The following GRAMD1B variants were observed in gnomAD, a reference collection of about 807,000 sequenced individuals.
GRAMD1B encodes protein Aster-B.
In GRAMD1B, 37 loss-of-function variants were observed where a neutral mutation model predicts 99.7. The ratio of observed to expected loss-of-function variants is 0.37; its 90% CI spans 0.29 to 0.49. The LOEUF is 0.49. Ranked by LOEUF, GRAMD1B falls within the 20% of genes least tolerant of loss-of-function variation. The probability of loss-of-function intolerance (pLI) is 0.98; values close to 1 mark genes in which losing one functional copy is unlikely to be tolerated. For missense variants in GRAMD1B, 888 were observed against 1,009.2 expected (o/e 0.88, Z 1.63); for synonymous variants, 427 against 387.6 (o/e 1.10, Z -1.19).
chr11:123,435,548 A>C, intron 1 of GRAMD1B: 1 of 670,422 alleles, frequency 1.5e-6, no homozygotes, highest in South Asian at 1.6e-5. Context: ...TAAAGACAGC[A>C]TGGCTTACTA....
intron 2 of GRAMD1B, among the ~76,000 whole-genome samples, chr11:123,528,318 TTTAATTAAAA>T (rs1393539154): frequency 1.3e-5 from 2 of 152,228 alleles, no homozygotes; most frequent in Non-Finnish European, 2.9e-5. Flanking sequence ...AGAGAATGAA[TTTAATTAAAA>T]TTATAATGTT....
chr11:123,414,632 C>G (rs982782156), intron 1 of GRAMD1B, among the ~76,000 whole-genome samples: 2 of 152,138 alleles, frequency 1.3e-5, no homozygotes, highest in African/African-American at 2.4e-5. Flanking sequence ...ACCTTCCAAC[C>G]TGTTTTTTTA....
rs542502758 is a variant in GRAMD1B, at chr11:123,552,211, T to A, written c.453-25156T>A. On this transcript the variant is annotated intron_variant, in intron 2 of 19. Coordinates refer to ENST00000635736, the MANE Select transcript of GRAMD1B (RefSeq NM_001387025.1). ...ATCTAGAAAAAGGAGGGATTTTTCTTCCCTTAGTATATCCCAGAATATCAC... is the reference window on the plus strand; with the variant it reads ...ATCTAGAAAAAGGAGGGATTTTTCTACCCTTAGTATATCCCAGAATATCAC... Among the ~76,000 whole-genome samples the A allele has an allele frequency of 3.9e-5, 6 of 151,984 alleles. No individual in the cohort carries two copies. The South Asian group carries it at 6.3e-4, about 16-fold the overall frequency.
chr11:123,539,220 C>G (rs1397723111), intron 2 of GRAMD1B, among the ~76,000 whole-genome samples: 1 of 151,846 alleles, frequency 6.6e-6, no homozygotes, highest in Non-Finnish European at 1.5e-5. Flanking sequence ...AGGGTAAGAC[C>G]CTGTCTCTTA....
At chr11:123,463,303 G>A (rs1950523877) in intron 1 of GRAMD1B, among the ~76,000 whole-genome samples, 1 of 152,158 alleles carries the variant, frequency 6.6e-6, no homozygotes, top group South Asian at 2.1e-4. Context: ...ATGAGCCACC[G>A]TGCCCAGCCT....
At chr11:123,441,950 T>C (rs887378493) in intron 1 of GRAMD1B, among the ~76,000 whole-genome samples, 1 of 152,244 alleles carries the variant, frequency 6.6e-6, no homozygotes, top group Non-Finnish European at 1.5e-5. Flanking sequence ...GCCTTGCACT[T>C]CTAGAAGGTA....
chr11:123,598,402 T>G (rs758496579), intron 7 of GRAMD1B: 23 of 948,158 alleles, frequency 2.4e-5, no homozygotes, highest in Non-Finnish European at 4.0e-5. Context: ...TCTCCTGTCC[T>G]TGCTTGCTCG....
In GRAMD1B at chr11:123,618,356, G is replaced by T; in HGVS notation, c.2319-337G>T. 3 of 1,612,648 alleles carry T rather than the reference G, an allele frequency of 1.9e-6. No homozygotes were observed. Among genetic ancestry groups the T allele is most frequent in the South Asian group, 2.2e-5 (2 of 91,050 alleles). ...CTTGCTCCCATTAGGATCTGTTTCA[G>T]GTACTGGCTCTATGATTTCTCCTTT... On this transcript the variant is annotated intron_variant, in intron 17 of 19. Transcript: ENST00000635736.
intron 4 of GRAMD1B, among the ~76,000 whole-genome samples, chr11:123,588,885 T>G (rs975787778): frequency 6.6e-6 from 1 of 152,178 alleles, no homozygotes; most frequent in Non-Finnish European, 1.5e-5. Flanking sequence ...GATTTCTGAT[T>G]TTTTTGGATT....
In GRAMD1B at chr11:123,432,555, CA is replaced by C. The variant is rs11380139; in HGVS notation, c.374+1406del. On this transcript the variant is annotated intron_variant, in intron 1 of 19. Coordinates refer to ENST00000635736, the MANE Select transcript of GRAMD1B (RefSeq NM_001387025.1). ...TGGGCCACAGAGTGAGACTCTGTCT[CA>C]AAAAAAAAAAAAAAAATTGAAGACC... Among the ~76,000 whole-genome samples the C allele has an allele frequency of 3.5e-3, 448 of 126,382 alleles. 2 individuals carry two copies. Among genetic ancestry groups the C allele is most frequent in the Non-Finnish European group, 4.8e-3 (289 of 60,568 alleles). The allele number at this position is 126,382 out of a possible 152,430, so 82.9% of individuals were successfully genotyped here.
At chr11:123,438,200 G>A (rs929913282) in intron 1 of GRAMD1B, among the ~76,000 whole-genome samples, 20 of 152,124 alleles carry the variant, frequency 1.3e-4, no homozygotes, top group Non-Finnish European at 2.8e-4. Flanking sequence ...CAATGCCTCG[G>A]TCCCCCCAGG....
chr11:123,503,409 G>A (rs1421390554), intron 2 of GRAMD1B, among the ~76,000 whole-genome samples: 2 of 152,180 alleles, frequency 1.3e-5, no homozygotes, highest in African/African-American at 4.8e-5. Flanking sequence ...TTGGAGGACT[G>A]AGGGAACTCA....
intron 1 of GRAMD1B, among the ~76,000 whole-genome samples, chr11:123,469,448 G>A (rs79999603): frequency 1.0e-3 from 152 of 152,224 alleles, no homozygotes; most frequent in African/African-American, 3.5e-3. Context: ...AATGGAAGGC[G>A]GATGGATTCG....
intron 3 of GRAMD1B, among the ~76,000 whole-genome samples, chr11:123,577,855 G>T (rs1028525134): frequency 2.0e-5 from 3 of 152,008 alleles, no homozygotes; most frequent in African/African-American, 4.8e-5. Context: ...AATCATTAGG[G>T]GGTCATCTGC....
At chr11:123,443,076 A>G (rs1315711293) in intron 1 of GRAMD1B, among the ~76,000 whole-genome samples, 2 of 152,064 alleles carry the variant, frequency 1.3e-5, no homozygotes, top group African/African-American at 4.8e-5. Flanking sequence ...CTCCTATCTT[A>G]TCCTGTGACT....
chr11:123,581,166 C>T (rs1260260186), intron 3 of GRAMD1B, among the ~76,000 whole-genome samples: 1 of 152,146 alleles, frequency 6.6e-6, no homozygotes, highest in Non-Finnish European at 1.5e-5. Context: ...TAAGTGCTTG[C>T]TCTTCAGACC....
In GRAMD1B at chr11:123,600,569, T is replaced by G. The variant is rs757237501; in HGVS notation, c.1050+21T>G. ...AAAAGGTAAGTACGGCCGAGTTTGC[T>G]TTTACTGTGGGACTGGCTATCTCTA... On this transcript the variant is annotated intron_variant, in intron 8 of 19. Coordinates refer to ENST00000635736, the MANE Select transcript of GRAMD1B (RefSeq NM_001387025.1). 118 of 1,535,914 alleles carry G rather than the reference T, an allele frequency of 7.7e-5. No individual in the cohort carries two copies. The Admixed American group carries it at 8.4e-4, about 11-fold the overall frequency.
At chr11:123,592,476 G>A (rs1243122878) in intron 4 of GRAMD1B, among the ~76,000 whole-genome samples, 1 of 152,206 alleles carries the variant, frequency 6.6e-6, no homozygotes, top group Non-Finnish European at 1.5e-5. Flanking sequence ...CATGGCTTAT[G>A]GCTGTGCTTG....
chr11:123,454,363 G>T (rs971041161), intron 1 of GRAMD1B: 1 of 152,212 alleles, frequency 6.6e-6, no homozygotes, highest in Non-Finnish European at 1.5e-5. Flanking sequence ...TGAAGGACAG[G>T]CCCCAGGGCT....
Sources: allele counts gnomAD v4.1 joint callset (sites outside exome capture counted in the v4.1 genomes callset), GRCh38; gene constraint gnomAD v4.1.1; transcripts MANE v1.5; gene names NCBI Gene and HGNC (gene_info 2026-07-23, HGNC 2026-07-21).